Variants in AKAP7 observed in about 807,000 individuals in gnomAD.
The protein encoded by AKAP7 is A-kinase anchoring protein 7, also known as A kinase (PRKA) anchor protein 7.
AKAP7 carries 39 observed loss-of-function variants against 39.5 expected under a neutral mutation model. The observed-to-expected ratio is 0.99, with a 90% CI of 0.76 to 1.29. The LOEUF is 1.29. Ranked by LOEUF, AKAP7 falls within the 50% of genes most tolerant of loss-of-function variation. The pLI is 0.00. For synonymous variants in AKAP7, 140 were observed against 139.1 expected, an observed-to-expected ratio of 1.01 and a Z score of -0.05; for missense variants, 414 against 407.7, an observed-to-expected ratio of 1.02 and a Z score of -0.13.
At chr6:131,165,045 C>T in intron 3 of AKAP7, 36 bp from the exon 4 acceptor site, 2 of 1,494,524 alleles carry the variant, frequency 1.3e-6, no homozygotes, top group Middle Eastern at 4.4e-4. Context: ...TACCTAATCA[C>T]TGGAATTTTT....
chr6:131,261,342 A>G (rs747268001), intron 7 of AKAP7, among the ~76,000 whole-genome samples: 5 of 152,194 alleles, frequency 3.3e-5, no homozygotes, highest in Non-Finnish European at 7.3e-5. Context: ...TAAAATACCA[A>G]TTATTGAACT....
chr6:131,275,092 C>T (rs1814634213), intron 7 of AKAP7, among the ~76,000 whole-genome samples: 1 of 152,142 alleles, frequency 6.6e-6, no homozygotes, highest in Admixed American at 6.5e-5. Context: ...TTTTTACATA[C>T]TTAGTAGTGG....
At position 131,281,744 on chromosome 6, in the gene AKAP7, C is replaced by G; in HGVS notation, c.*18C>G. ...GGAAATGAGCCCGGAACGCAGGCCC[C>G]CATGTCTCTGTGCAAAGCCTCCCTG... On this transcript the variant is annotated 3_prime_UTR_variant, in exon 8 of 8. Coordinates refer to ENST00000431975, the MANE Select transcript of AKAP7 (RefSeq NM_016377.4). The surrounding 1 kb of genome is among the most constrained non-coding windows in gnomAD (Gnocchi z 4.0). 6.3e-7 allele frequency: 1 copy of G among 1,576,760 alleles called. No homozygotes were observed. The highest frequency in any genetic ancestry group is 8.6e-7 in the Non-Finnish European group (1 of 1,161,530).
chr6:131,222,778 G>C (rs1809819221), intron 7 of AKAP7, among the ~76,000 whole-genome samples: 1 of 152,184 alleles, frequency 6.6e-6, no homozygotes, highest in Non-Finnish European at 1.5e-5. Flanking sequence ...GCTTTAAAGG[G>C]TTTGAGAGAA....
At chr6:131,170,200 T>G (rs1803905199) in intron 5 of AKAP7, among the ~76,000 whole-genome samples, 1 of 147,528 alleles carries the variant, frequency 6.8e-6, no homozygotes, top group Non-Finnish European at 1.5e-5. Flanking sequence ...TAATGCTAGA[T>G]GACGAGTTAG....
intron 5 of AKAP7, among the ~76,000 whole-genome samples, chr6:131,177,207 G>C (rs1001614967): frequency 1.3e-4 from 20 of 152,296 alleles, no homozygotes; most frequent in African/African-American, 4.3e-4. Flanking sequence ...GGTATGGGCT[G>C]TCTTCGTTCA....
chr6:131,156,409 G>A (rs1415003474), intron 2 of AKAP7, among the ~76,000 whole-genome samples: 1 of 152,068 alleles, frequency 6.6e-6, no homozygotes, highest in Admixed American at 6.6e-5. Context: ...AGGCTAAGGT[G>A]GGAGGATTGC....
At position 131,145,334 on chromosome 6, in the gene AKAP7, G is replaced by A. The variant is rs764990289; in HGVS notation, c.69G>A (p.Met23Ile). 5.7e-6 allele frequency: 9 copies of A among 1,566,476 alleles called. No homozygotes were observed. The highest frequency in any genetic ancestry group is 8.7e-7 in the Non-Finnish European group (1 of 1,152,286). The change falls in exon 2 of 8, where the codon ATG becomes ATA. Residue 23 changes from methionine to isoleucine, a missense_variant. Transcript: ENST00000431975. ...ECENVSRKKK[M>I]SEEFEANTMD... ...AAAATGTATCAAGAAAAAAGAAAAT[G>A]TCAGAGGAATTTGAAGCCAATACTA...
intron 3 of AKAP7, among the ~76,000 whole-genome samples, chr6:131,161,684 A>AAAAAAAAAAAAAAAAAAAG (rs1802978701): frequency 7.6e-6 from 1 of 132,044 alleles, no homozygotes; most frequent in Non-Finnish European, 1.6e-5. Context: ...AAAAAAAAAA[A>AAAAAAAAAAAAAAAAAAAG]TTAAAGGTCC....
At position 131,135,589 on chromosome 6, in the gene AKAP7, C is replaced by T. The variant is rs1013035449; in HGVS notation, c.-175C>T. 2.3e-6 allele frequency: 1 copy of T among 437,906 alleles called. No individual in the cohort carries two copies. The highest frequency in any genetic ancestry group is 2.2e-5 in the African/African-American group (1 of 46,152). The allele number at this position is 437,906 out of a possible 1,614,324, so 27.1% of individuals were successfully genotyped here. A position where few individuals can be genotyped will look rare whatever the true frequency, so the allele number is the denominator to read the frequency against. ...AGCTCCGCGCTTCCGCAGGCCTGGC[C>T]TCCGCCGCCCGGGCCCCCGCAGCCT... On this transcript the variant is annotated 5_prime_UTR_variant, in exon 1 of 8. Transcript: ENST00000431975.
intron 5 of AKAP7, among the ~76,000 whole-genome samples, chr6:131,176,474 A>G (rs1323423529): frequency 6.6e-6 from 1 of 152,136 alleles, no homozygotes; most frequent in East Asian, 1.9e-4. Flanking sequence ...TTTTTCAGCC[A>G]TATATAATTT....
rs146978574 is a variant in AKAP7 at position 131,268,173 on chromosome 6, T to C, written c.851-13357T>C. ...TTAACCAATCATTAATTATGTGCTA[T>C]TTCTCACATAATATTTCTCTCTCGT... On this transcript the variant is annotated intron_variant, in intron 7 of 7. Transcript: ENST00000431975. Among the ~76,000 whole-genome samples, 513 of 152,338 alleles carry C rather than the reference T, an allele frequency of 3.4e-3. 3 individuals carry two copies. Among genetic ancestry groups the C allele is most frequent in the African/African-American group, 0.011 (475 of 41,572 alleles).
chr6:131,165,367 G>A (rs961828542), intron 4 of AKAP7, 150 bp downstream of exon 4: 4 of 550,254 alleles, frequency 7.3e-6, no homozygotes, highest in African/African-American at 3.9e-5. Context: ...AGAATAAACT[G>A]TATAAATATT....
chr6:131,137,605 AT>A (rs1229449008), intron 1 of AKAP7: 1 of 152,002 alleles, frequency 6.6e-6, no homozygotes, highest in Non-Finnish European at 1.5e-5. Flanking sequence ...GATGGTCTCT[AT>A]CTCCTGACTT....
chr6:131,241,577 A>ATGTGTGTGTGTGTGTGTGTG (rs749601887), intron 7 of AKAP7, among the ~76,000 whole-genome samples: 2 of 81,248 alleles, frequency 2.5e-5, no homozygotes, highest in East Asian at 3.3e-4. Context: ...GATTATATAT[A>ATGTGTGTGTGTGTGTGTGTG]TGTGTGTGTG....
At chr6:131,153,129 CAAA>C (rs527758381) in intron 2 of AKAP7, among the ~76,000 whole-genome samples, 14 of 111,542 alleles carry the variant, frequency 1.3e-4, no homozygotes, top group Admixed American at 2.9e-4. Context: ...GACTCCATCT[CAAA>C]AAAAAAAAAA....
upstream of AKAP7, among the ~76,000 whole-genome samples, chr6:131,131,170 A>G (rs965941664): frequency 4.6e-5 from 7 of 152,338 alleles, no homozygotes; most frequent in African/African-American, 1.2e-4. Flanking sequence ...TCCAGAGGCC[A>G]TGAGATTACA....
At chr6:131,138,237 G>C (rs537111250) in intron 1 of AKAP7, among the ~76,000 whole-genome samples, 1 of 151,998 alleles carries the variant, frequency 6.6e-6, no homozygotes, top group South Asian at 2.1e-4. Flanking sequence ...TCTATGCCTG[G>C]CTTATTTCAC....
At chr6:131,173,727 T>G (rs1804307200) in intron 5 of AKAP7, among the ~76,000 whole-genome samples, 1 of 152,228 alleles carries the variant, frequency 6.6e-6, no homozygotes. Flanking sequence ...AGTCCACAGT[T>G]AAACTTAATC....
Sources: gnomAD v4.1 joint callset for allele counts (sites outside exome capture counted in the v4.1 genomes callset) on GRCh38, gnomAD v4.1.1 for gene constraint, Gnocchi (gnomAD v3.1) non-coding constraint, MANE v1.5 for transcripts, NCBI Gene and HGNC (gene_info 2026-07-23, HGNC 2026-07-21) for gene names.